Variants in ARHGEF11 observed in about 807,000 individuals in gnomAD.
ARHGEF11 encodes Rho guanine nucleotide exchange factor 11.
In ARHGEF11, 55 loss-of-function variants were observed where a neutral mutation model predicts 193.7. The ratio of observed to expected loss-of-function variants is 0.28; its 90% CI spans 0.23 to 0.36. The LOEUF is 0.36. ARHGEF11 is among the 10% of genes least tolerant of loss of function. The pLI, the probability that ARHGEF11 is intolerant of heterozygous loss-of-function variation, is 1.00. For synonymous variants in ARHGEF11, 693 were observed against 768.0 expected (o/e 0.90, Z 1.62); for missense variants, 1,723 against 2,005.6 (o/e 0.86, Z 2.69).
intron 15 of ARHGEF11, 53 bp downstream of exon 15, chr1:156,960,365 T>C: frequency 6.3e-7 from 1 of 1,591,392 alleles, no homozygotes; most frequent in Non-Finnish European, 8.6e-7. Context: ...TCCTGAGAGC[T>C]CAGGACAAGA....
At chr1:156,945,271 C>G in intron 29 of ARHGEF11, 74 bp from the exon 30 acceptor site, 1 of 1,517,808 alleles carries the variant, frequency 6.6e-7, no homozygotes, top group South Asian at 1.2e-5. Flanking sequence ...TGTTATCTGC[C>G]TATTCATCCA....
In ARHGEF11 at chr1:156,941,614, A is replaced by G. The variant is rs980065192; in HGVS notation, c.3453-181T>C. Among the ~76,000 whole-genome samples the G allele has an allele frequency of 6.6e-5, 10 of 152,178 alleles. No individual in the cohort carries two copies. In the East Asian group the frequency reaches 1.7e-3, roughly 26 times the overall value. On this transcript the variant is annotated intron_variant, in intron 34 of 40. Coordinates refer to ENST00000368194, the MANE Select transcript of ARHGEF11 (RefSeq NM_198236.3). ...CTGAGCTTCTCTGGTCCCTTGCTCT[A>G]CATCCCCCTCACCCTTCTTCAGGCT... is the stretch of plus-strand genomic sequence containing the variant.
chr1:157,016,607 CTG>C (rs1669263541), intron 1 of ARHGEF11, among the ~76,000 whole-genome samples: 2 of 152,114 alleles, frequency 1.3e-5, no homozygotes. Context: ...AGTATTGTGA[CTG>C]TATTTTTAAG....
intron 1 of ARHGEF11, among the ~76,000 whole-genome samples, chr1:156,989,511 T>A (rs1665413846): frequency 6.6e-6 from 1 of 152,226 alleles, no homozygotes; most frequent in African/African-American, 2.4e-5. Context: ...TAACTTGGTA[T>A]TAAAGGACTT....
intron 22 of ARHGEF11, among the ~76,000 whole-genome samples, chr1:156,949,715 C>T (rs1442399418): frequency 6.6e-6 from 1 of 152,166 alleles, no homozygotes; most frequent in East Asian, 1.9e-4. Context: ...ACAACAAACA[C>T]CCAGTGGAGT....
intron 7 of ARHGEF11, among the ~76,000 whole-genome samples, chr1:156,975,290 T>C (rs79439722): frequency 0.027 from 4,099 of 152,338 alleles, 73 homozygotes; most frequent in South Asian, 0.054. Flanking sequence ...TTGATTAGCA[T>C]CTTCCTGTGA....
intron 34 of ARHGEF11, 52 bp downstream of exon 34, chr1:156,941,812 C>T: frequency 6.5e-7 from 1 of 1,548,840 alleles, no homozygotes; most frequent in Non-Finnish European, 8.7e-7. Flanking sequence ...CAGCAGGAAA[C>T]AGGAGGTTTG....
At chr1:156,987,465 A>G (rs1406542264) in intron 1 of ARHGEF11, among the ~76,000 whole-genome samples, 4 of 152,254 alleles carry the variant, frequency 2.6e-5, no homozygotes, top group Non-Finnish European at 5.9e-5. Context: ...ATGTGTTTAT[A>G]TATGTTTAAA....
At chr1:156,969,203 T>C in intron 10 of ARHGEF11, 79 bp downstream of exon 10, 1 of 1,180,294 alleles carries the variant, frequency 8.5e-7, no homozygotes, top group South Asian at 1.3e-5. Flanking sequence ...TCAGTGCAGC[T>C]GGTAGGCAGC....
intron 1 of ARHGEF11, among the ~76,000 whole-genome samples, chr1:157,002,160 C>G (rs1667292102): frequency 6.6e-6 from 1 of 152,150 alleles, no homozygotes; most frequent in East Asian, 1.9e-4. Flanking sequence ...AGGCACAAAT[C>G]ACATGATAAT....
chr1:156,946,574 ATGATG>A, intron 28 of ARHGEF11, 83 bp downstream of exon 28: 1 of 1,580,404 alleles, frequency 6.3e-7, no homozygotes, highest in Non-Finnish European at 8.7e-7. Context: ...GTAGACAGGG[ATGATG>A]TGGCCAGAAG....
intron 40 of ARHGEF11, 123 bp downstream of exon 40, chr1:156,936,693 C>T (rs936092546): frequency 1.2e-4 from 139 of 1,136,918 alleles, no homozygotes; most frequent in Non-Finnish European, 1.6e-4. Context: ...AGAATGAACT[C>T]GTTTCACTCA....
At chr1:156,944,251 C>A in intron 31 of ARHGEF11, 107 bp downstream of exon 31, 1 of 1,456,288 alleles carries the variant, frequency 6.9e-7, no homozygotes, top group Admixed American at 1.8e-5. Context: ...TTCCCATGTC[C>A]TGAGCTATCA....
In ARHGEF11 at chr1:156,943,065, C is replaced by CTTTTTTTTTT. The variant is rs112741222; in HGVS notation, c.3236-295_3236-286dup. Among the ~76,000 whole-genome samples, 79 of 140,472 alleles carry CTTTTTTTTTT rather than the reference C, an allele frequency of 5.6e-4. 3 individuals carry two copies. The highest frequency in any genetic ancestry group is 7.0e-3 in the Middle Eastern group (2 of 286). 92.2% of individuals were successfully genotyped at this position (140,472 alleles called of 152,430 possible). A position where few individuals can be genotyped will look rare whatever the true frequency, so the allele number is the denominator to read the frequency against. The stretch of plus-strand genomic sequence containing the variant: ...TGTATGGTGCTTAGGAGTTATAAAA[C>CTTTTTTTTTT]TTTTTTTTTTTTTGAAACGGATTCT... On this transcript the variant is annotated intron_variant, in intron 32 of 40. Coordinates refer to ENST00000368194, the MANE Select transcript of ARHGEF11 (RefSeq NM_198236.3).
chr1:156,938,512 A>G lies in ARHGEF11; in HGVS notation c.4098T>C (p.Ala1366=). 1 of 1,612,104 alleles carries G rather than the reference A, an allele frequency of 6.2e-7. No individual in the cohort carries two copies. The highest frequency in any genetic ancestry group is 1.3e-5 in the African/African-American group (1 of 74,968). The change falls in exon 38 of 41, where the codon GCT becomes GCC. Residue 1366 remains alanine, a splice_region_variant and synonymous_variant. Transcript: ENST00000368194. ...GGACAACCTTGCTGCCTGCCACCTC[A>G]GCTGCACCGACACCACCACCACCAG... is the stretch of plus-strand genomic sequence containing the variant. The part of the protein sequence containing the change: ...AAGGYKVVRK[A]EVAGSKVVPA...
At chr1:156,969,238 C>T (rs550127181) in intron 10 of ARHGEF11, 44 bp downstream of exon 10, 2 of 1,531,414 alleles carry the variant, frequency 1.3e-6, no homozygotes, top group Admixed American at 1.9e-5. Context: ...GGGAAGGGAC[C>T]CCGAATGCAC....
intron 38 of ARHGEF11, 73 bp downstream of exon 38, chr1:156,938,345 G>C (rs1655968861): frequency 7.1e-7 from 1 of 1,413,812 alleles, no homozygotes; most frequent in African/African-American, 1.4e-5. Context: ...CATGGGCAGG[G>C]GTCCGACTCT....
intron 21 of ARHGEF11, 100 bp from the exon 22 acceptor site, chr1:156,951,799 A>G: frequency 3.4e-6 from 5 of 1,486,074 alleles, no homozygotes; most frequent in Non-Finnish European, 4.6e-6. Flanking sequence ...GCAATGAGCA[A>G]GCGTGGATGA....
intron 13 of ARHGEF11, among the ~76,000 whole-genome samples, chr1:156,962,878 CAAAAAA>C (rs59159449): frequency 4.7e-5 from 1 of 21,272 alleles, no homozygotes; most frequent in African/African-American, 1.8e-4. Context: ...GACTCCGTCT[CAAAAAA>C]AAAAAAAAAA....
Sources: gnomAD v4.1 joint callset for allele counts (sites outside exome capture counted in the v4.1 genomes callset) on GRCh38, gnomAD v4.1.1 for gene constraint, MANE v1.5 for transcripts, NCBI Gene and HGNC (gene_info 2026-07-23, HGNC 2026-07-21) for gene names.